The following UBE3D variants were observed in gnomAD, a reference collection of about 807,000 sequenced individuals.
The protein encoded by UBE3D is ubiquitin protein ligase E3D.
In UBE3D, 48 loss-of-function variants were observed where a neutral mutation model predicts 49.6. The ratio of observed to expected loss-of-function variants is 0.97; its 90% CI spans 0.77 to 1.23. The LOEUF (loss-of-function observed/expected upper bound fraction) is 1.23, where lower values mean the gene tolerates loss of function less well. UBE3D is among the 50% of genes most tolerant of loss of function. UBE3D has a pLI of 0.00. For missense variants in UBE3D, 452 were observed against 468.4 expected (o/e 0.96, Z 0.32); for synonymous variants, 189 against 174.2 (o/e 1.08, Z -0.67).
intron 8 of UBE3D, among the ~76,000 whole-genome samples, chr6:82,997,061 T>C (rs1779294098): frequency 6.6e-6 from 1 of 152,190 alleles, no homozygotes; most frequent in African/African-American, 2.4e-5. Context: ...GAACAATCTG[T>C]ACTAACTTTG....
intron 8 of UBE3D, among the ~76,000 whole-genome samples, chr6:83,011,886 C>T (rs1001719693): frequency 6.6e-5 from 10 of 152,012 alleles, no homozygotes; most frequent in African/African-American, 2.4e-4. Flanking sequence ...AATTCCTGGA[C>T]CCGTGAATCC....
At chr6:83,027,732 T>C (rs563956332) in intron 5 of UBE3D, among the ~76,000 whole-genome samples, 2 of 152,284 alleles carry the variant, frequency 1.3e-5, no homozygotes, top group South Asian at 4.1e-4. Context: ...TGTCTAAGTA[T>C]GGATTTCTTT....
chr6:82,926,213 T>C (rs1234042321), intron 9 of UBE3D, among the ~76,000 whole-genome samples: 1 of 152,166 alleles, frequency 6.6e-6, no homozygotes. Flanking sequence ...GTTGGTACCA[T>C]ATAGTATGTA....
rs769336011 is a variant in UBE3D, at chr6:83,065,724, G to C, written c.-6C>G. The C allele has an allele frequency of 4.3e-6, 7 of 1,609,710 alleles. No individual in the cohort carries two copies. The highest frequency in any genetic ancestry group is 1.1e-5 in the South Asian group (1 of 90,338). ...TCCGCCGCAGAAGCCGCCATGGCAG[G>C]CTTCCAGTCCCAGACCGGACCAAGC... On this transcript the variant is annotated 5_prime_UTR_variant, in exon 1 of 10. Transcript: ENST00000369747.
chr6:83,063,276 T>A (rs1320532857), intron 1 of UBE3D: 1 of 212,734 alleles, frequency 4.7e-6, no homozygotes, highest in Admixed American at 5.7e-5. Context: ...TAGCTGGGCA[T>A]GGTGGCATGC....
chr6:83,009,792 AG>A, intron 8 of UBE3D, among the ~76,000 whole-genome samples: 1 of 149,504 alleles, frequency 6.7e-6, no homozygotes, highest in African/African-American at 2.5e-5. Flanking sequence ...GATTGACTAT[AG>A]TACAAGGTTA....
chr6:83,013,152 G>A (rs931927315), intron 8 of UBE3D, among the ~76,000 whole-genome samples: 1 of 152,160 alleles, frequency 6.6e-6, no homozygotes, highest in African/African-American at 2.4e-5. Flanking sequence ...ATGCTGCTGT[G>A]CAGGACCACT....
At chr6:83,040,617 A>AT (rs1461214703) in intron 4 of UBE3D, among the ~76,000 whole-genome samples, 4 of 152,006 alleles carry the variant, frequency 2.6e-5, no homozygotes, top group East Asian at 3.9e-4. Flanking sequence ...CACTTATTCC[A>AT]TTTTTTCCTG....
intron 8 of UBE3D, among the ~76,000 whole-genome samples, chr6:82,993,177 A>G (rs372852814): frequency 1.7e-4 from 26 of 152,158 alleles, no homozygotes; most frequent in African/African-American, 6.3e-4. Flanking sequence ...AGTATAATTC[A>G]TTATTCAAGT....
intron 5 of UBE3D, among the ~76,000 whole-genome samples, chr6:83,026,393 A>C: frequency 6.6e-6 from 1 of 152,120 alleles, no homozygotes; most frequent in East Asian, 1.9e-4. Flanking sequence ...TGAGGCTTCA[A>C]TGAACTACTG....
rs1012974655 is a variant in UBE3D at position 83,061,594 on chromosome 6, G to A, written c.78-3572C>T. Reference sequence around the variant, plus strand: ...TCTAACTACAAGCTAAAGTCCTTTCGATGGTCCATAAGGCACAGTGGTATA... The same window carrying A: ...TCTAACTACAAGCTAAAGTCCTTTCAATGGTCCATAAGGCACAGTGGTATA... On this transcript the variant is annotated intron_variant, in intron 1 of 9. Transcript: ENST00000369747. 5.9e-5 allele frequency among the ~76,000 whole-genome samples: 9 copies of A among 152,228 alleles called. No individual in the cohort carries two copies. The South Asian group carries it at 6.2e-4, about 11-fold the overall frequency.
intron 9 of UBE3D, among the ~76,000 whole-genome samples, chr6:82,953,248 T>C (rs1272439790): frequency 6.6e-6 from 1 of 152,244 alleles, no homozygotes; most frequent in Non-Finnish European, 1.5e-5. Flanking sequence ...TTGGGCATCA[T>C]TCCCATATTC....
At chr6:82,917,898 A>C (rs1175731926) in intron 9 of UBE3D, among the ~76,000 whole-genome samples, 6 of 152,146 alleles carry the variant, frequency 3.9e-5, no homozygotes, top group African/African-American at 1.2e-4. Flanking sequence ...GCCACTGCTT[A>C]ACCCTTGCTG....
chr6:82,902,725 G>A (rs774215012), intron 9 of UBE3D, among the ~76,000 whole-genome samples: 32 of 152,172 alleles, frequency 2.1e-4, no homozygotes, highest in Non-Finnish European at 4.0e-4. Flanking sequence ...ACATACACAG[G>A]TGATAAAATT....
intron 9 of UBE3D, among the ~76,000 whole-genome samples, chr6:82,926,661 A>G (rs984717495): frequency 6.6e-6 from 1 of 151,842 alleles, no homozygotes; most frequent in Non-Finnish European, 1.5e-5. Context: ...CTGTTGTTTT[A>G]ATTTGCATTT....
the UBE3D span, among the ~76,000 whole-genome samples, chr6:82,882,562 A>G: frequency 6.6e-6 from 1 of 152,182 alleles, no homozygotes; most frequent in Non-Finnish European, 1.5e-5. Flanking sequence ...CAGAAATGCT[A>G]CTCTGCACAG....
chr6:83,046,706 A>T (rs1014409906), intron 3 of UBE3D, among the ~76,000 whole-genome samples: 4 of 145,142 alleles, frequency 2.8e-5, no homozygotes, highest in Non-Finnish European at 5.9e-5. Flanking sequence ...GGGGAGCAGT[A>T]CAGATCCCTT....
intron 8 of UBE3D, among the ~76,000 whole-genome samples, chr6:83,011,324 G>A (rs973834000): frequency 6.6e-6 from 1 of 152,066 alleles, no homozygotes; most frequent in Non-Finnish European, 1.5e-5. Flanking sequence ...GTCGTAGCTG[G>A]TATTGATGAC....
At chr6:82,885,396 A>G in the UBE3D span, among the ~76,000 whole-genome samples, 4 of 152,224 alleles carry the variant, frequency 2.6e-5, no homozygotes, top group African/African-American at 9.6e-5. Flanking sequence ...GCAGACCAGC[A>G]AATTCATAGA....
Sources: allele counts gnomAD v4.1 joint callset (sites outside exome capture counted in the v4.1 genomes callset), GRCh38; gene constraint gnomAD v4.1.1; transcripts MANE v1.5; gene names NCBI Gene and HGNC (gene_info 2026-07-23, HGNC 2026-07-21).